Variants in F2R observed in about 807,000 individuals in gnomAD.
F2R encodes the protein coagulation factor II thrombin receptor.
A neutral mutation model predicts 18.3 loss-of-function variants in F2R; 12 were observed. The observed-to-expected ratio is 0.66, with a 90% CI of 0.42 to 1.06. The LOEUF (loss-of-function observed/expected upper bound fraction) is 1.06, where lower values mean the gene tolerates loss of function less well. Ranked by LOEUF, F2R falls within the 50% of genes least tolerant of loss-of-function variation. The probability of loss-of-function intolerance (pLI) is 0.00; values close to 1 mark genes in which losing one functional copy is unlikely to be tolerated. For synonymous variants in F2R, 210 were observed against 219.9 expected (o/e 0.95, Z 0.40); for missense variants, 438 against 530.8 (o/e 0.83, Z 1.72).
Position 76,716,273 on chromosome 5 carries a change from G to C in F2R, c.-35G>C. ...AAGCGGAGCAGCCCGAGGCGGGGCA[G>C]CCTCCCGGAGCAGCGCCGCGCAGAG... On this transcript the variant is annotated 5_prime_UTR_variant, in exon 1 of 2. Coordinates refer to ENST00000319211, the MANE Select transcript of F2R (RefSeq NM_001992.5). The C allele has an allele frequency of 7.5e-7, 1 of 1,338,188 alleles. No individual in the cohort carries two copies. 82.9% of individuals were successfully genotyped at this position (1,338,188 alleles called of 1,614,324 possible). A position where few individuals can be genotyped will look rare whatever the true frequency, so the allele number is the denominator to read the frequency against.
At chr5:76,717,563 A>T (rs1748369846) in intron 1 of F2R, among the ~76,000 whole-genome samples, 1 of 152,118 alleles carries the variant, frequency 6.6e-6, no homozygotes, top group African/African-American at 2.4e-5. Context: ...TGCTTTTGGG[A>T]AAACTAAGAG....
At chr5:76,731,132 G>T (rs1040058154) in intron 1 of F2R, among the ~76,000 whole-genome samples, 3 of 152,174 alleles carry the variant, frequency 2.0e-5, no homozygotes, top group Non-Finnish European at 2.9e-5. Flanking sequence ...CTGAGATGAT[G>T]GGTACCTTGT....
At chr5:76,719,418 T>C (rs1748405486) in intron 1 of F2R, among the ~76,000 whole-genome samples, 1 of 152,150 alleles carries the variant, frequency 6.6e-6, no homozygotes, top group Non-Finnish European at 1.5e-5. Flanking sequence ...GGTGAAACCC[T>C]GTCTCTACTA....
intron 1 of F2R, among the ~76,000 whole-genome samples, chr5:76,721,879 T>G (rs1748463034): frequency 6.6e-6 from 1 of 152,262 alleles, no homozygotes; most frequent in African/African-American, 2.4e-5. Context: ...TTTGATATTT[T>G]CCACACTATA....
At chr5:76,722,565 A>G (rs182956072) in intron 1 of F2R, among the ~76,000 whole-genome samples, 1 of 152,180 alleles carries the variant, frequency 6.6e-6, no homozygotes, top group East Asian at 1.9e-4. Context: ...TTGCTTTCCT[A>G]TGCTTCCAGA....
intron 1 of F2R, among the ~76,000 whole-genome samples, chr5:76,722,079 T>G (rs565536738): frequency 1.3e-5 from 2 of 152,346 alleles, no homozygotes; most frequent in African/African-American, 4.8e-5. Context: ...TCTTATCATG[T>G]CTAGAACCTA....
intron 1 of F2R, among the ~76,000 whole-genome samples, chr5:76,722,307 G>A (rs2227771): frequency 3.3e-5 from 5 of 152,284 alleles, no homozygotes; most frequent in Non-Finnish European, 1.5e-5. Context: ...GCATTCCCAA[G>A]ACAGAGAGCT....
At chr5:76,718,380 G>A (rs904906111) in intron 1 of F2R, among the ~76,000 whole-genome samples, 1 of 152,176 alleles carries the variant, frequency 6.6e-6, no homozygotes, top group Non-Finnish European at 1.5e-5. Flanking sequence ...CTGTCATAAG[G>A]TAGTGGTGCT....
At chr5:76,722,602 G>C (rs753467610) in intron 1 of F2R, among the ~76,000 whole-genome samples, 12 of 152,220 alleles carry the variant, frequency 7.9e-5, no homozygotes, top group Non-Finnish European at 1.3e-4. Flanking sequence ...GACATGGAAT[G>C]GGAGGAGAGG....
Position 76,716,233 on chromosome 5 carries a change from T to C in F2R, c.-75T>C. On this transcript the variant is annotated 5_prime_UTR_variant, in exon 1 of 2. Transcript: ENST00000319211. ...AGACCGGCTCCCCGACCCGCAGAAG[T>C]CAGGAGAGAGGGTGAAGCGGAGCAG... 1.7e-6 allele frequency: 2 copies of C among 1,201,312 alleles called. No homozygotes were observed. Among genetic ancestry groups the C allele is most frequent in the Non-Finnish European group, 2.1e-6 (2 of 933,502 alleles). The allele number at this position is 1,201,312 out of a possible 1,614,324, so 74.4% of individuals were successfully genotyped here.
intron 1 of F2R, among the ~76,000 whole-genome samples, chr5:76,729,167 CTTG>C (rs1748626050): frequency 6.6e-6 from 1 of 152,226 alleles, no homozygotes; most frequent in Non-Finnish European, 1.5e-5. Context: ...CTCACCAACA[CTTG>C]TTATCTGTCA....
chr5:76,716,705 A>G (rs746782460), intron 1 of F2R: 2 of 721,346 alleles, frequency 2.8e-6, no homozygotes, highest in Admixed American at 2.0e-5. Context: ...TGCACTTGTC[A>G]TTGTGTTTCT....
chr5:76,723,339 T>C (rs1421005282), intron 1 of F2R, among the ~76,000 whole-genome samples: 2 of 152,338 alleles, frequency 1.3e-5, no homozygotes, highest in East Asian at 3.9e-4. Context: ...AAGGAGAGAA[T>C]AGCGTGGAGT....
intron 1 of F2R, among the ~76,000 whole-genome samples, chr5:76,719,395 G>C (rs1395921372): frequency 6.6e-6 from 1 of 152,208 alleles, no homozygotes; most frequent in Non-Finnish European, 1.5e-5. Context: ...TTTGAGACCA[G>C]CCTGACCAAC....
At chr5:76,723,614 T>C (rs939708049) in intron 1 of F2R, among the ~76,000 whole-genome samples, 2 of 152,246 alleles carry the variant, frequency 1.3e-5, no homozygotes, top group Admixed American at 6.5e-5. Context: ...CCAGAAAAGC[T>C]TTTGAAGAGT....
intron 1 of F2R, among the ~76,000 whole-genome samples, chr5:76,725,790 ATG>A (rs1220840731): frequency 1.3e-5 from 2 of 152,194 alleles, no homozygotes; most frequent in African/African-American, 4.8e-5. Flanking sequence ...CACAAGTATA[ATG>A]TTCCTGTCGG....
intron 1 of F2R, among the ~76,000 whole-genome samples, chr5:76,721,031 T>C (rs1032929934): frequency 6.6e-6 from 1 of 152,210 alleles, no homozygotes; most frequent in African/African-American, 2.4e-5. Flanking sequence ...GTTCTCAAAC[T>C]CCTGGGATCA....
At chr5:76,725,541 G>T (rs1580891430) in intron 1 of F2R, among the ~76,000 whole-genome samples, 2 of 152,274 alleles carry the variant, frequency 1.3e-5, no homozygotes, top group East Asian at 3.9e-4. Flanking sequence ...TCAAATTTCA[G>T]CCTAAGGGTC....
intron 1 of F2R, chr5:76,716,767 GT>G (rs1357915849): frequency 1.7e-6 from 1 of 573,292 alleles, no homozygotes; most frequent in African/African-American, 1.9e-5. Context: ...ACCAATAAAC[GT>G]TTCGATCTTT....
Sources: gnomAD v4.1 joint callset for allele counts (sites outside exome capture counted in the v4.1 genomes callset) on GRCh38, gnomAD v4.1.1 for gene constraint, MANE v1.5 for transcripts, NCBI Gene and HGNC (gene_info 2026-07-23, HGNC 2026-07-21) for gene names.